Variants in SKIC3 observed in about 807,000 individuals in gnomAD.
SKIC3 encodes the protein SKI3 subunit of superkiller complex, also known as superkiller complex protein 3.
chr5:95,545,158 T>C, the SKIC3 span, among the ~76,000 whole-genome samples: 2 of 152,306 alleles, frequency 1.3e-5, no homozygotes, highest in African/African-American at 4.8e-5. Flanking sequence ...ATGGTGGTGC[T>C]GTATATAACT....
chr5:95,516,989 C>T, the SKIC3 span: 33 of 1,613,338 alleles, frequency 2.0e-5, no homozygotes, highest in Middle Eastern at 5.0e-4. Flanking sequence ...TTGTGCTTGG[C>T]GATAATAATT....
At chr5:95,530,378 G>T in the SKIC3 span, 1 of 729,270 alleles carries the variant, frequency 1.4e-6, no homozygotes, top group South Asian at 1.8e-5. Context: ...AAATAGACCA[G>T]CAAATGCAGA....
chr5:95,495,206 G>C, the SKIC3 span: 3 of 588,450 alleles, frequency 5.1e-6, no homozygotes, highest in Non-Finnish European at 3.0e-6. Flanking sequence ...CTTGTGAAAG[G>C]AAATCTTTTC....
At chr5:95,530,081 A>G in the SKIC3 span, 1 of 1,612,492 alleles carries the variant, frequency 6.2e-7, no homozygotes, top group Non-Finnish European at 8.5e-7. Context: ...CATACACTGT[A>G]CATTTACCTT....
At chr5:95,482,723 T>C in the SKIC3 span, 2 of 1,429,534 alleles carry the variant, frequency 1.4e-6, no homozygotes, top group Non-Finnish European at 1.9e-6. Flanking sequence ...AAAATAAAAT[T>C]CTGAAGGTTT....
the SKIC3 span, chr5:95,503,835 G>A: frequency 6.2e-7 from 1 of 1,613,818 alleles, no homozygotes; most frequent in Non-Finnish European, 8.5e-7. Flanking sequence ...TCTTTATAAA[G>A]CCCCTTCATG....
chr5:95,516,289 T>C, the SKIC3 span: 2 of 1,567,702 alleles, frequency 1.3e-6, no homozygotes. Flanking sequence ...GCTGAGCTAT[T>C]GAGGAGACAA....
chr5:95,502,415 C>T, the SKIC3 span, among the ~76,000 whole-genome samples: 34 of 152,130 alleles, frequency 2.2e-4, no homozygotes, highest in East Asian at 5.8e-3. Flanking sequence ...TAACACAGGT[C>T]GTTATTTTAT....
At chr5:95,536,985 C>T in the SKIC3 span, 85 of 1,600,860 alleles carry the variant, frequency 5.3e-5, no homozygotes, top group Middle Eastern at 3.3e-4. Context: ...TATTTATGAA[C>T]ACTTTCCTAA....
the SKIC3 span, among the ~76,000 whole-genome samples, chr5:95,534,245 G>A: frequency 6.6e-6 from 1 of 151,168 alleles, no homozygotes; most frequent in South Asian, 2.1e-4. Flanking sequence ...GACTTCCTAA[G>A]TATGCTCCTT....
chr5:95,513,535 T>C, the SKIC3 span: 1 of 1,597,748 alleles, frequency 6.3e-7, no homozygotes. Flanking sequence ...ACTTTTCTCA[T>C]TAATGAATCC....
chr5:95,516,763 T>C, the SKIC3 span: 1 of 1,611,426 alleles, frequency 6.2e-7, no homozygotes, highest in South Asian at 1.1e-5. Context: ...GAAAAGAAGT[T>C]AAATTAGATT....
the SKIC3 span, chr5:95,498,404 C>A: frequency 1.2e-5 from 19 of 1,614,188 alleles, no homozygotes; most frequent in Non-Finnish European, 1.6e-5. Flanking sequence ...TTTTGCACAG[C>A]CACACTGCGG....
At chr5:95,498,741 T>C in the SKIC3 span, 1 of 742,408 alleles carries the variant, frequency 1.3e-6, no homozygotes, top group East Asian at 2.9e-5. Context: ...TTCTCCTGCC[T>C]CAGCCTCCCG....
the SKIC3 span, among the ~76,000 whole-genome samples, chr5:95,476,164 T>C: frequency 6.6e-6 from 1 of 152,220 alleles, no homozygotes; most frequent in Non-Finnish European, 1.5e-5. Context: ...ATCTCACCCC[T>C]CTTAGCTCTT....
the SKIC3 span, among the ~76,000 whole-genome samples, chr5:95,490,227 C>T: frequency 6.6e-6 from 1 of 151,898 alleles, no homozygotes; most frequent in Non-Finnish European, 1.5e-5. Context: ...GTAAAGGACT[C>T]TTTCCAGGTC....
the SKIC3 span, chr5:95,490,995 C>T: frequency 9.9e-6 from 16 of 1,613,878 alleles, no homozygotes; most frequent in East Asian, 4.5e-5. Context: ...TTATCATCAG[C>T]GTGACAGGCT....
chr5:95,512,903 C>G, the SKIC3 span: 1 of 356,874 alleles, frequency 2.8e-6, no homozygotes, highest in South Asian at 3.3e-5. Flanking sequence ...GCACCATTGC[C>G]AAAGGTCAGA....
the SKIC3 span, chr5:95,490,884 A>G: frequency 3.7e-6 from 6 of 1,613,404 alleles, no homozygotes; most frequent in Non-Finnish European, 4.2e-6. Flanking sequence ...TAAATCATGT[A>G]TAAAGATGCT....
Sources: allele counts gnomAD v4.1 joint callset (sites outside exome capture counted in the v4.1 genomes callset), GRCh38; gene constraint gnomAD v4.1.1; transcripts MANE v1.5; gene names NCBI Gene and HGNC (gene_info 2026-07-23, HGNC 2026-07-21).